MRPL43: variants seen among roughly 807,000 people sequenced by gnomAD.
The protein encoded by MRPL43 is large ribosomal subunit protein mL43.
MRPL43 carries 9 observed loss-of-function variants against 12.7 expected under a neutral mutation model. That is an observed-to-expected ratio of 0.71 (90% CI 0.43 to 1.24). MRPL43 has a LOEUF of 1.24. Ranked by LOEUF, MRPL43 falls within the 50% of genes most tolerant of loss-of-function variation. The probability of loss-of-function intolerance (pLI) is 0.00; values close to 1 mark genes in which losing one functional copy is unlikely to be tolerated. For synonymous variants in MRPL43, 116 were observed against 96.4 expected (o/e 1.20, Z -1.19); for missense variants, 211 against 229.2 (o/e 0.92, Z 0.51).
chr10:100,983,928 C>A (rs1476929728), downstream of MRPL43: 1 of 1,600,260 alleles, frequency 6.2e-7, no homozygotes, highest in African/African-American at 1.3e-5. Context: ...ACCGCCCCCA[C>A]CGCCACCGGC....
At chr10:100,978,937 G>A, downstream of MRPL43, 1 of 1,614,186 alleles carries the variant, frequency 6.2e-7, no homozygotes, top group Non-Finnish European at 8.5e-7. Context: ...TCTTCACGGA[G>A]CGTGCCACTG....
rs1198909199 is a variant in MRPL43 at position 100,986,922 on chromosome 10, A to C, written c.292T>G (p.Ser98Ala). Reference sequence around the variant, plus strand: ...TCGGCCAGCTTCTGCACCAGCGTCGAGATCTCCTCGACCGACTTGCAGTGG... The same window carrying C: ...TCGGCCAGCTTCTGCACCAGCGTCGCGATCTCCTCGACCGACTTGCAGTGG... The part of the protein sequence containing the change: ...SIHCKSVEEI[S>A]TLVQKLADQS... Residue 98 changes from serine (S) to alanine (A), a missense_variant, in exon 3 of 3, where the codon TCG becomes GCG. Physicochemically the swap from Ser to Ala is moderately conservative, Grantham distance 99. Transcript: ENST00000318364. The C allele has an allele frequency of 2.5e-6, 4 of 1,610,684 alleles. No homozygotes were observed.
downstream of MRPL43, chr10:100,986,193 ATGTTCTGC>A: frequency 1.5e-5 from 11 of 741,834 alleles, no homozygotes; most frequent in Non-Finnish European, 2.0e-5. Context: ...CAGTTGTTAT[ATGTTCTGC>A]GTCTAGTTTT....
downstream of MRPL43, chr10:100,979,304 T>G: frequency 1.2e-6 from 2 of 1,613,996 alleles, no homozygotes; most frequent in Non-Finnish European, 1.7e-6. Flanking sequence ...GGCAAGAAAC[T>G]GCGGACAGCA....
downstream of MRPL43, chr10:100,984,709 T>C: frequency 2.6e-6 from 4 of 1,536,132 alleles, no homozygotes; most frequent in South Asian, 2.4e-5. Context: ...GGACTTGGGG[T>C]ACCCTCCCAA....
chr10:100,981,641 C>A, downstream of MRPL43: 1 of 1,419,234 alleles, frequency 7.0e-7, no homozygotes. Flanking sequence ...ATGATGTCAT[C>A]TACTGTCACA....
chr10:100,981,513 C>G (rs1313001600), downstream of MRPL43: 1 of 1,614,038 alleles, frequency 6.2e-7, no homozygotes, highest in Non-Finnish European at 8.5e-7. Context: ...TGGGTATTTC[C>G]CCAAGGAAGA....
At chr10:100,984,549 C>T (rs1313501848), downstream of MRPL43, 1 of 1,536,182 alleles carries the variant, frequency 6.5e-7, no homozygotes, top group South Asian at 1.2e-5. Context: ...GCCCTGTGTG[C>T]TGGATGGTCC....
At chr10:100,983,226 G>A, downstream of MRPL43, 1 of 1,421,532 alleles carries the variant, frequency 7.0e-7, no homozygotes, top group Non-Finnish European at 9.3e-7. Context: ...CCAGGGACTT[G>A]GCAGTGAACA....
downstream of MRPL43, chr10:100,985,230 A>G (rs1313689869): frequency 7.3e-5 from 18 of 248,228 alleles, no homozygotes; most frequent in Admixed American, 7.3e-4. Context: ...TCTTGGAACT[A>G]TGCAAAGGGC....
downstream of MRPL43, chr10:100,978,076 C>T: frequency 1.7e-6 from 1 of 583,938 alleles, no homozygotes; most frequent in South Asian, 2.0e-5. Context: ...GAGTGAATCT[C>T]TAGGTTGGCC....
chr10:100,986,950 G>A lies in MRPL43; in HGVS notation c.264C>T (p.Ser88=), dbSNP rs774843649. 51 of 1,607,496 alleles carry A rather than the reference G, an allele frequency of 3.2e-5. No individual in the cohort carries two copies. Among genetic ancestry groups the A allele is most frequent in the Non-Finnish European group, 4.0e-5 (47 of 1,180,000 alleles). Residue 88 remains serine, a synonymous_variant, in exon 3 of 3, where the codon AGC becomes AGT. Transcript: ENST00000318364. ...TCTCCTCGACCGACTTGCAGTGGAT[G>A]CTCTCCTCGCGCACAGCCCCGTTAA... The part of the protein sequence containing the change: ...EYLNGAVREE[S]IHCKSVEEIS...
downstream of MRPL43, chr10:100,984,503 G>T (rs565832622): frequency 5.9e-6 from 9 of 1,535,548 alleles, no homozygotes; most frequent in African/African-American, 1.2e-4. Flanking sequence ...GGGCTCTGCA[G>T]GTCCATATGG....
At chr10:100,985,967 C>T (rs1186121732), downstream of MRPL43, 1 of 152,444 alleles carries the variant, frequency 6.6e-6, no homozygotes, top group African/African-American at 2.4e-5. Context: ...TAATATCAGC[C>T]TTCCTGCCCT....
chr10:100,977,884 A>G (rs1850869714), downstream of MRPL43: 4 of 642,064 alleles, frequency 6.2e-6, no homozygotes, highest in South Asian at 3.6e-5. Flanking sequence ...GGCGGGCTGC[A>G]CTGGAGAACC....
downstream of MRPL43, chr10:100,979,420 G>A: frequency 1.3e-6 from 2 of 1,560,592 alleles, no homozygotes; most frequent in African/African-American, 1.4e-5. Context: ...GTCTTGCTCT[G>A]TTGCCAGGCT....
At chr10:100,987,231 T>C in intron 1 of MRPL43, 35 bp from the exon 2 acceptor site, 1 of 1,613,068 alleles carries the variant, frequency 6.2e-7, no homozygotes, top group Non-Finnish European at 8.5e-7. Context: ...GTATGACCCC[T>C]GACTGGGGGC....
downstream of MRPL43, chr10:100,978,020 T>C (rs1850876935): frequency 1.8e-6 from 1 of 571,138 alleles, no homozygotes; most frequent in African/African-American, 1.9e-5. Context: ...GGACAGCATG[T>C]GTTCCACAGG....
downstream of MRPL43, chr10:100,979,036 TGG>T: frequency 6.2e-7 from 1 of 1,613,592 alleles, no homozygotes; most frequent in Non-Finnish European, 8.5e-7. Context: ...GGGCTGACGT[TGG>T]GGCACGGGTA....
Sources: allele counts gnomAD v4.1 joint callset, GRCh38; gene constraint gnomAD v4.1.1; transcripts MANE v1.5; gene names NCBI Gene and HGNC (gene_info 2026-07-23, HGNC 2026-07-21).